FUT8: variants seen among roughly 807,000 people sequenced by gnomAD.
FUT8 encodes the protein alpha-(1,6)-fucosyltransferase.
In FUT8, 29 loss-of-function variants were observed where a neutral mutation model predicts 71.3. The ratio of observed to expected loss-of-function variants is 0.41; its 90% CI spans 0.30 to 0.55. The LOEUF is 0.55. Ranked by LOEUF, FUT8 falls within the 20% of genes least tolerant of loss-of-function variation. The pLI, the probability that FUT8 is intolerant of heterozygous loss-of-function variation, is 0.34. For missense variants in FUT8, 544 were observed against 702.1 expected, an observed-to-expected ratio of 0.77 and a Z score of 2.55; for synonymous variants, 254 against 239.3, an observed-to-expected ratio of 1.06 and a Z score of -0.57.
chr14:65,382,585 C>A, the FUT8 span, among the ~76,000 whole-genome samples: 1 of 152,114 alleles, frequency 6.6e-6, no homozygotes, highest in African/African-American at 2.4e-5. Context: ...GGTGATCTGC[C>A]CGCCTGGACC....
rs1042787608 is a variant in FUT8 at position 65,638,830 on chromosome 14, A to C, written c.597+9224A>C. ...TAGAGTTGTGAATTGTGTTCTACCA[A>C]GTAATTCAGATTGCATTTGTATTTC... On this transcript the variant is annotated intron_variant, in intron 6 of 10. Coordinates refer to ENST00000673929, the MANE Select transcript of FUT8 (RefSeq NM_001371533.1). This position sits in a 1 kb window ranked among gnomAD's most constrained non-coding sequence, Gnocchi z 4.5. Among the ~76,000 whole-genome samples the C allele has an allele frequency of 2.6e-5, 4 of 152,210 alleles. No homozygotes were observed. Among genetic ancestry groups the C allele is most frequent in the African/African-American group, 9.6e-5 (4 of 41,454 alleles).
chr14:65,576,632 G>T (rs909514225), intron 3 of FUT8, among the ~76,000 whole-genome samples: 1 of 142,542 alleles, frequency 7.0e-6, no homozygotes, highest in Non-Finnish European at 1.5e-5. Flanking sequence ...GGGCTCAAGC[G>T]ATCCTCCTAC....
chr14:65,597,751 T>A (rs905477950), intron 3 of FUT8, among the ~76,000 whole-genome samples: 1 of 152,156 alleles, frequency 6.6e-6, no homozygotes, highest in Non-Finnish European at 1.5e-5. Flanking sequence ...ACATCTGTTA[T>A]ACAACATTGA....
chr14:65,375,243 C>G, the FUT8 span, among the ~76,000 whole-genome samples: 3 of 152,250 alleles, frequency 2.0e-5, no homozygotes, highest in Middle Eastern at 3.4e-3. Context: ...CGTAATTAAA[C>G]TAGTTGCCAC....
chr14:65,730,254 A>G (rs1895906916), intron 9 of FUT8, among the ~76,000 whole-genome samples: 1 of 152,210 alleles, frequency 6.6e-6, no homozygotes, highest in South Asian at 2.1e-4. Context: ...TCAGAGGAGA[A>G]TCTATTTTCT....
chr14:65,588,423 C>A (rs142573327), intron 3 of FUT8, among the ~76,000 whole-genome samples: 2 of 152,182 alleles, frequency 1.3e-5, no homozygotes, highest in Non-Finnish European at 2.9e-5. Context: ...AACTCTCATA[C>A]CAAATTATCG....
intron 7 of FUT8, among the ~76,000 whole-genome samples, chr14:65,699,532 A>G (rs1416899091): frequency 1.1e-4 from 17 of 152,172 alleles, no homozygotes; most frequent in Admixed American, 1.1e-3. Context: ...AATCTTGTAG[A>G]CTGATGCTGA....
intron 3 of FUT8, among the ~76,000 whole-genome samples, chr14:65,567,127 A>T (rs564706454): frequency 7.2e-5 from 11 of 152,100 alleles, no homozygotes; most frequent in Non-Finnish European, 1.2e-4. Context: ...AACAGAACTT[A>T]AAAAAATTCA....
intron 3 of FUT8, among the ~76,000 whole-genome samples, chr14:65,604,967 T>C (rs1888498638): frequency 6.6e-6 from 1 of 151,984 alleles, no homozygotes; most frequent in Admixed American, 6.6e-5. Flanking sequence ...TTTGTAAGAA[T>C]GTATCATCCT....
intron 2 of FUT8, among the ~76,000 whole-genome samples, chr14:65,546,585 A>G (rs1884997395): frequency 6.6e-6 from 1 of 151,748 alleles, no homozygotes; most frequent in African/African-American, 2.4e-5. Context: ...AGATGCCTGG[A>G]TTGTTCCAAA....
intron 2 of FUT8, among the ~76,000 whole-genome samples, chr14:65,493,722 A>G (rs2139733895): frequency 6.6e-6 from 1 of 152,222 alleles, no homozygotes; most frequent in African/African-American, 2.4e-5. Flanking sequence ...TATTGATTCT[A>G]GAGACCAAAC....
intron 2 of FUT8, among the ~76,000 whole-genome samples, chr14:65,527,611 G>T (rs775155844): frequency 1.2e-4 from 18 of 151,950 alleles, no homozygotes; most frequent in Non-Finnish European, 2.5e-4. Context: ...GGCCTTTGGA[G>T]GGGGAGAGGC....
chr14:65,396,609 G>A, the FUT8 span, among the ~76,000 whole-genome samples: 1 of 152,178 alleles, frequency 6.6e-6, no homozygotes, highest in Admixed American at 6.5e-5. This position sits in a 1 kb window ranked among gnomAD's most constrained non-coding sequence, Gnocchi z 5.5. Flanking sequence ...AATTATGGGA[G>A]CTACAGTTCA....
chr14:65,562,828 C>T (rs905302091), intron 3 of FUT8, among the ~76,000 whole-genome samples: 10 of 151,972 alleles, frequency 6.6e-5, no homozygotes, highest in African/African-American at 2.2e-4. Flanking sequence ...AGAGCTGTTA[C>T]GGAAACTGAG....
At chr14:65,442,786 A>C (rs1354254328) in intron 1 of FUT8, among the ~76,000 whole-genome samples, 4 of 150,882 alleles carry the variant, frequency 2.7e-5, no homozygotes, top group South Asian at 2.1e-4. Flanking sequence ...CAGTGAGCCA[A>C]GTTGGGCCTG....
chr14:65,451,102 C>T (rs1405815107), intron 1 of FUT8, among the ~76,000 whole-genome samples: 2 of 152,268 alleles, frequency 1.3e-5, no homozygotes, highest in South Asian at 2.1e-4. Context: ...GTGATCCGCC[C>T]GCCTCAGCCT....
chr14:65,629,829 T>TATACAC (rs1555377304), intron 6 of FUT8, among the ~76,000 whole-genome samples: 1 of 147,996 alleles, frequency 6.8e-6, no homozygotes, highest in East Asian at 2.0e-4. Context: ...CTTACACACG[T>TATACAC]ACACACACAC....
chr14:65,735,206 T>G (rs1483422841), intron 10 of FUT8, among the ~76,000 whole-genome samples: 1 of 118,998 alleles, frequency 8.4e-6, no homozygotes, highest in African/African-American at 3.1e-5. Flanking sequence ...GAAAGAAAAT[T>G]TTTTGCTTTA....
intron 7 of FUT8, among the ~76,000 whole-genome samples, chr14:65,709,317 AC>A (rs1469536166): frequency 6.6e-6 from 1 of 152,126 alleles, no homozygotes; most frequent in Non-Finnish European, 1.5e-5. Flanking sequence ...GTTTGAATAA[AC>A]CTTTGTTTCC....
Sources: gnomAD v4.1 joint callset for allele counts (sites outside exome capture counted in the v4.1 genomes callset) on GRCh38, gnomAD v4.1.1 for gene constraint, Gnocchi (gnomAD v3.1) non-coding constraint, MANE v1.5 for transcripts, NCBI Gene and HGNC (gene_info 2026-07-23, HGNC 2026-07-21) for gene names.